FAM149B1: variants seen among roughly 807,000 people sequenced by gnomAD.
FAM149B1 encodes family with sequence similarity 149 member B1, also known as primary cilium assembly protein FAM149B1.
FAM149B1 carries 56 observed loss-of-function variants against 75.3 expected under a neutral mutation model. That is an observed-to-expected ratio of 0.74 (90% CI 0.60 to 0.93). The LOEUF (loss-of-function observed/expected upper bound fraction) is 0.93. Ranked by LOEUF, FAM149B1 falls within the 40% of genes least tolerant of loss-of-function variation. FAM149B1 has a pLI of 0.00. For synonymous variants in FAM149B1, 259 were observed against 256.1 expected (o/e 1.01, Z -0.11); for missense variants, 639 against 708.4 (o/e 0.90, Z 1.11).
At chr10:73,197,590 T>C (rs1414686093) in intron 5 of FAM149B1, among the ~76,000 whole-genome samples, 1 of 151,578 alleles carries the variant, frequency 6.6e-6, no homozygotes, top group South Asian at 2.1e-4. Flanking sequence ...GCCAACATAG[T>C]GAAACCCCGT....
chr10:73,169,642 T>G (rs778162143), intron 1 of FAM149B1, among the ~76,000 whole-genome samples: 15 of 152,018 alleles, frequency 9.9e-5, no homozygotes, highest in Non-Finnish European at 1.5e-4. Context: ...AAATTTTTTT[T>G]TGGTAGAGAC....
chr10:73,174,652 A>G, intron 1 of FAM149B1, 35 bp from the exon 2 acceptor site: 2 of 1,404,874 alleles, frequency 1.4e-6, no homozygotes, highest in South Asian at 1.2e-5. Context: ...GTATTTTTTT[A>G]TACAGGAAAT....
At chr10:73,182,977 C>T (rs982782893) in intron 3 of FAM149B1, among the ~76,000 whole-genome samples, 8 of 152,180 alleles carry the variant, frequency 5.3e-5, no homozygotes, top group Non-Finnish European at 7.3e-5. Flanking sequence ...GGGCTCCTAT[C>T]GCACACCAGG....
intron 8 of FAM149B1, 70 bp downstream of exon 8, chr10:73,228,254 T>C: frequency 1.5e-6 from 2 of 1,309,628 alleles, no homozygotes; most frequent in Non-Finnish European, 2.1e-6. Flanking sequence ...TCAGAGTTGT[T>C]TGCCTTACTT....
At chr10:73,208,214 C>G (rs1332791967) in intron 5 of FAM149B1, among the ~76,000 whole-genome samples, 2 of 152,214 alleles carry the variant, frequency 1.3e-5, no homozygotes, top group South Asian at 2.1e-4. Flanking sequence ...TAACATTCCC[C>G]CATGAGTAAA....
intron 7 of FAM149B1, among the ~76,000 whole-genome samples, chr10:73,211,803 G>A (rs1237574995): frequency 6.6e-6 from 1 of 151,858 alleles, no homozygotes; most frequent in African/African-American, 2.4e-5. Context: ...TGTATTTGAA[G>A]GGTCCAAGTG....
intron 8 of FAM149B1, 145 bp from the exon 9 acceptor site, chr10:73,230,277 A>G (rs902317177): frequency 2.7e-5 from 15 of 559,296 alleles, no homozygotes; most frequent in Non-Finnish European, 4.8e-5. Context: ...GGCCCCAGCT[A>G]CGGGCCCCAA....
At chr10:73,187,327 AT>A (rs911088471) in intron 3 of FAM149B1, among the ~76,000 whole-genome samples, 2 of 150,970 alleles carry the variant, frequency 1.3e-5, no homozygotes, top group Admixed American at 6.6e-5. Context: ...CCTAGGAGAC[AT>A]TTTTATAGAA....
At chr10:73,180,823 T>C (rs1200060595) in intron 3 of FAM149B1, among the ~76,000 whole-genome samples, 1 of 152,162 alleles carries the variant, frequency 6.6e-6, no homozygotes, top group Non-Finnish European at 1.5e-5. Context: ...ATACTCACCC[T>C]TTGTGCTATG....
At chr10:73,202,025 C>T (rs779986615) in intron 5 of FAM149B1, among the ~76,000 whole-genome samples, 19 of 151,904 alleles carry the variant, frequency 1.3e-4, no homozygotes, top group Non-Finnish European at 2.2e-4. Flanking sequence ...ATTAGCCAGG[C>T]GTGGTGGCAC....
chr10:73,243,768 A>G lies in FAM149B1; in HGVS notation c.*2749A>G, dbSNP rs1052611575. 2.9e-6 allele frequency: 4 copies of G among 1,393,610 alleles called. No individual in the cohort carries two copies. In the African/African-American group the frequency reaches 5.8e-5, roughly 20 times the overall value. The allele number at this position is 1,393,610 out of a possible 1,614,324, so 86.3% of individuals were successfully genotyped here. On this transcript the variant is annotated 3_prime_UTR_variant, in exon 14 of 14. Transcript: ENST00000242505. The stretch of plus-strand genomic sequence containing the variant: ...TTATGTCTTAAAAGAAGAAAACAAA[A>G]TACAACATTCCAAAGAAAATATTAG...
intron 5 of FAM149B1, among the ~76,000 whole-genome samples, chr10:73,206,393 G>A (rs556638415): frequency 3.3e-4 from 50 of 152,342 alleles, no homozygotes; most frequent in African/African-American, 1.2e-3. Context: ...AAAATTTGCA[G>A]CCTAGCCACA....
At chr10:73,227,040 T>C (rs186670354) in intron 7 of FAM149B1, among the ~76,000 whole-genome samples, 3 of 152,328 alleles carry the variant, frequency 2.0e-5, no homozygotes, top group African/African-American at 7.2e-5. Context: ...ATTTTAACTT[T>C]TAATCAAGAC....
At chr10:73,226,062 G>A (rs1390959833) in intron 7 of FAM149B1, among the ~76,000 whole-genome samples, 2 of 151,588 alleles carry the variant, frequency 1.3e-5, no homozygotes, top group African/African-American at 2.4e-5. Flanking sequence ...AGTAACATGA[G>A]TGTAAAATGG....
At chr10:73,168,521 C>G in intron 1 of FAM149B1, 135 bp downstream of exon 1, 1 of 1,013,692 alleles carries the variant, frequency 9.9e-7, no homozygotes, top group South Asian at 1.7e-5. Flanking sequence ...CCTCTCAGCC[C>G]TGCTGGACCC....
intron 5 of FAM149B1, among the ~76,000 whole-genome samples, chr10:73,195,796 T>C (rs148648811): frequency 6.6e-6 from 1 of 152,334 alleles, no homozygotes; most frequent in African/African-American, 2.4e-5. Flanking sequence ...CTCAATAATT[T>C]TCTTTACTTA....
chr10:73,178,559 C>G (rs1198651986), intron 3 of FAM149B1, among the ~76,000 whole-genome samples: 3 of 151,080 alleles, frequency 2.0e-5, no homozygotes, highest in African/African-American at 7.3e-5. Flanking sequence ...ATTCCTTTTG[C>G]CATGCCCAGT....
chr10:73,218,114 A>G (rs1485682515), intron 7 of FAM149B1, among the ~76,000 whole-genome samples: 3 of 152,190 alleles, frequency 2.0e-5, no homozygotes, highest in Non-Finnish European at 4.4e-5. Context: ...CAGGCAAAGG[A>G]TAATAGTTAT....
chr10:73,187,945 C>T (rs1375445986), intron 3 of FAM149B1, among the ~76,000 whole-genome samples: 3 of 150,088 alleles, frequency 2.0e-5, no homozygotes, highest in Admixed American at 1.3e-4. Context: ...TAGCTGGGCA[C>T]GGTGGTGCAG....
Sources: allele counts gnomAD v4.1 joint callset (sites outside exome capture counted in the v4.1 genomes callset), GRCh38; gene constraint gnomAD v4.1.1; transcripts MANE v1.5; gene names NCBI Gene and HGNC (gene_info 2026-07-23, HGNC 2026-07-21).